Variants in DCDC2 observed in about 807,000 individuals in gnomAD.
DCDC2 encodes doublecortin domain containing 2.
Under a neutral mutation model 50.2 loss-of-function variants are expected in DCDC2, and 40 were observed. That is an observed-to-expected ratio of 0.80 (90% CI 0.62 to 1.04). The LOEUF (loss-of-function observed/expected upper bound fraction) is 1.04. Among genes scored for constraint, DCDC2 ranks in the 50% least tolerant of loss-of-function variants. The pLI is 0.00. For missense variants in DCDC2, 570 were observed against 581.9 expected, an observed-to-expected ratio of 0.98 and a Z score of 0.21; for synonymous variants, 234 against 210.6, an observed-to-expected ratio of 1.11 and a Z score of -0.96.
At chr6:24,303,749 T>C (rs766029386) in intron 2 of DCDC2, among the ~76,000 whole-genome samples, 9 of 152,204 alleles carry the variant, frequency 5.9e-5, no homozygotes, top group Non-Finnish European at 8.8e-5. Flanking sequence ...ATCAAAACAG[T>C]GTCCTGAAGT....
chr6:24,206,348 T>C (rs1398165074), intron 7 of DCDC2, among the ~76,000 whole-genome samples: 2 of 151,920 alleles, frequency 1.3e-5, no homozygotes, highest in South Asian at 2.1e-4. Context: ...GCTGAAAATA[T>C]ACAGCCCAGT....
intron 7 of DCDC2, among the ~76,000 whole-genome samples, chr6:24,242,901 G>T (rs898049641): frequency 3.3e-5 from 5 of 152,010 alleles, no homozygotes; most frequent in African/African-American, 1.2e-4. Context: ...GGCACAAGTT[G>T]CAGTGAGCCG....
At chr6:24,220,274 A>C (rs1340696) in intron 7 of DCDC2, among the ~76,000 whole-genome samples, 1 of 152,260 alleles carries the variant, frequency 6.6e-6, no homozygotes, top group Non-Finnish European at 1.5e-5. Context: ...CATGCTCTTA[A>C]GTTTTGCACT....
At chr6:24,191,941 C>A (rs543336208) in intron 8 of DCDC2, among the ~76,000 whole-genome samples, 1 of 152,084 alleles carries the variant, frequency 6.6e-6, no homozygotes, top group Non-Finnish European at 1.5e-5. Context: ...AAGAAGCAAG[C>A]CTTTGCGTGC....
chr6:24,273,122 GT>G (rs1283503755), intron 7 of DCDC2, among the ~76,000 whole-genome samples: 1 of 152,010 alleles, frequency 6.6e-6, no homozygotes, highest in Non-Finnish European at 1.5e-5. Context: ...ATGAAATCAT[GT>G]CTTTTGCAGC....
upstream of DCDC2, among the ~76,000 whole-genome samples, chr6:24,362,369 T>G (rs1760680780): frequency 1.4e-5 from 2 of 144,366 alleles, no homozygotes; most frequent in Admixed American, 6.9e-5. Context: ...TTTATTTAAT[T>G]GTATGTTTAT....
chr6:24,207,256 T>TC (rs1761735602), intron 7 of DCDC2, among the ~76,000 whole-genome samples: 2,119 of 129,642 alleles, frequency 0.016, 48 homozygotes, highest in African/African-American at 0.053. Context: ...CCATCTATCT[T>TC]TCTCTCTCTC....
At chr6:24,282,520 G>C (rs1763500215) in intron 6 of DCDC2, among the ~76,000 whole-genome samples, 2 of 152,012 alleles carry the variant, frequency 1.3e-5, no homozygotes, top group Non-Finnish European at 2.9e-5. Context: ...TGGGATTACA[G>C]GCGTGAGCCA....
chr6:24,339,882 C>T (rs1266375808), intron 2 of DCDC2, among the ~76,000 whole-genome samples: 1 of 152,096 alleles, frequency 6.6e-6, no homozygotes, highest in Non-Finnish European at 1.5e-5. Context: ...AATTGATCCA[C>T]TAACTTGATG....
At position 24,174,809 on chromosome 6, in the gene DCDC2, G is replaced by T; in HGVS notation, c.1352C>A (p.Pro451Gln). 6.2e-7 allele frequency: 1 copy of T among 1,613,112 alleles called. No individual in the cohort carries two copies. Among genetic ancestry groups the T allele is most frequent in the Non-Finnish European group, 8.5e-7 (1 of 1,179,452 alleles). The change falls in exon 10 of 10, where the codon CCA (proline) becomes CAA (glutamine). Residue 451 changes from proline (P) to glutamine (Q), a missense_variant. Transcript: ENST00000378454. ...ACTGGTAATTTTTACTTCTGGCCTT[G>T]GTGGTCTTTGAGGGTCTACATCAGC... is the stretch of plus-strand genomic sequence containing the variant. Reference protein sequence around the residue: ...DEADVDPQRPPRPEVKITSPE... With the variant: ...DEADVDPQRPQRPEVKITSPE...
intron 6 of DCDC2, among the ~76,000 whole-genome samples, chr6:24,283,222 T>C (rs1303821814): frequency 1.3e-5 from 2 of 152,238 alleles, no homozygotes; most frequent in African/African-American, 2.4e-5. Context: ...GAATTTAAGA[T>C]AATTTATTTA....
intron 6 of DCDC2, among the ~76,000 whole-genome samples, chr6:24,281,460 T>C (rs1763468054): frequency 7.9e-6 from 1 of 126,408 alleles, no homozygotes; most frequent in South Asian, 2.5e-4. Flanking sequence ...CAAGCATGTG[T>C]CACTGCACCC....
At chr6:24,274,383 C>T (rs1452680763) in intron 7 of DCDC2, among the ~76,000 whole-genome samples, 2 of 152,100 alleles carry the variant, frequency 1.3e-5, no homozygotes, top group African/African-American at 4.8e-5. Flanking sequence ...TCTCAAGGCA[C>T]TGCAACTCAA....
At chr6:24,287,453 G>C (rs906532550) in intron 6 of DCDC2, among the ~76,000 whole-genome samples, 3 of 152,088 alleles carry the variant, frequency 2.0e-5, no homozygotes, top group African/African-American at 7.2e-5. Flanking sequence ...CCTTCAATGG[G>C]AGCCTTTGAA....
At chr6:24,324,558 T>C (rs1283369652) in intron 2 of DCDC2, among the ~76,000 whole-genome samples, 3 of 152,114 alleles carry the variant, frequency 2.0e-5, no homozygotes, top group Non-Finnish European at 4.4e-5. Flanking sequence ...TCTCCCTGGA[T>C]TGTTTGGGTG....
chr6:24,186,770 C>T (rs1259320644), intron 8 of DCDC2, among the ~76,000 whole-genome samples: 1 of 152,188 alleles, frequency 6.6e-6, no homozygotes, highest in Admixed American at 6.5e-5. Context: ...TAGAGACAAA[C>T]CCCATCTTCT....
At chr6:24,224,448 A>T (rs707885) in intron 7 of DCDC2, among the ~76,000 whole-genome samples, 2 of 152,210 alleles carry the variant, frequency 1.3e-5, no homozygotes, top group African/African-American at 4.8e-5. Context: ...AACACCTAAG[A>T]TGAAGAGCTT....
chr6:24,208,013 T>A (rs1761760655), intron 7 of DCDC2, among the ~76,000 whole-genome samples: 1 of 152,190 alleles, frequency 6.6e-6, no homozygotes, highest in South Asian at 2.1e-4. Context: ...CACCATGTGA[T>A]GAGCCACTCT....
At chr6:24,272,693 T>C (rs1025529865) in intron 7 of DCDC2, among the ~76,000 whole-genome samples, 2 of 152,130 alleles carry the variant, frequency 1.3e-5, no homozygotes, top group South Asian at 2.1e-4. Context: ...AGAATGGCTG[T>C]TCTGAAAAAG....
Sources: allele counts gnomAD v4.1 joint callset (sites outside exome capture counted in the v4.1 genomes callset), GRCh38; gene constraint gnomAD v4.1.1; transcripts MANE v1.5; gene names NCBI Gene and HGNC (gene_info 2026-07-23, HGNC 2026-07-21).